Variants in DNAJC16 observed in about 807,000 individuals in gnomAD.
DNAJC16 encodes the protein DnaJ heat shock protein family (Hsp40) member C16.
A neutral mutation model predicts 92.7 loss-of-function variants in DNAJC16; 76 were observed. The ratio of observed to expected loss-of-function variants is 0.82; its 90% CI spans 0.68 to 0.99. The LOEUF is 0.99. Ranked by LOEUF, DNAJC16 falls within the 50% of genes least tolerant of loss-of-function variation. The pLI is 0.00. For synonymous variants in DNAJC16, 328 were observed against 358.7 expected (o/e 0.91, Z 0.97); for missense variants, 869 against 942.4 (o/e 0.92, Z 1.02).
At chr1:15,552,093 A>G (rs1180848887) in intron 7 of DNAJC16, among the ~76,000 whole-genome samples, 1 of 151,742 alleles carries the variant, frequency 6.6e-6, no homozygotes, top group Non-Finnish European at 1.5e-5. Flanking sequence ...GATGGTCTTG[A>G]ACTCCTGGCC....
At chr1:15,534,197 A>G in intron 2 of DNAJC16, 40 bp from the exon 3 acceptor site, 1 of 1,610,148 alleles carries the variant, frequency 6.2e-7, no homozygotes, top group Non-Finnish European at 8.5e-7. Flanking sequence ...GTGCATTAAA[A>G]GTTACATCCT....
At chr1:15,562,998 C>T (rs1350157771) in intron 9 of DNAJC16, among the ~76,000 whole-genome samples, 1 of 150,274 alleles carries the variant, frequency 6.7e-6, no homozygotes, top group East Asian at 1.9e-4. Flanking sequence ...GAAATTTCTG[C>T]CCCCCTCTGC....
intron 13 of DNAJC16, chr1:15,566,532 A>G (rs536181032): frequency 5.9e-5 from 15 of 252,116 alleles, no homozygotes; most frequent in Admixed American, 4.0e-4. Context: ...GACAAAGAAC[A>G]TAGACTGAAT....
chr1:15,571,733 A>T lies in DNAJC16; in HGVS notation c.*3556A>T, dbSNP rs1638952233. 6.6e-6 allele frequency: 1 copy of T among 152,276 alleles called. No homozygotes were observed. The highest frequency in any genetic ancestry group is 2.4e-5 in the African/African-American group (1 of 41,452). The allele number at this position is 152,276 out of a possible 1,614,324, so 9.4% of individuals were successfully genotyped here. A position where few individuals can be genotyped will look rare whatever the true frequency, so the allele number is the denominator to read the frequency against. ...AAATAAACTATTTTAATGTCTGATA[A>T]TTATGGGGTAGCCCTTGCATTGCAA... On this transcript the variant is annotated 3_prime_UTR_variant, in exon 15 of 15. Transcript: ENST00000375847.
intron 2 of DNAJC16, among the ~76,000 whole-genome samples, chr1:15,533,605 G>T (rs1710710613): frequency 6.6e-6 from 1 of 152,050 alleles, no homozygotes; most frequent in African/African-American, 2.4e-5. Context: ...TCCAGTCTGG[G>T]CAACAGAGTG....
rs765366404 is a variant in DNAJC16, at chr1:15,536,571, C to T, written c.331C>T (p.Arg111Cys). 1.6e-5 allele frequency: 26 copies of T among 1,614,056 alleles called. No homozygotes were observed. The highest frequency in any genetic ancestry group is 2.0e-5 in the Non-Finnish European group (24 of 1,180,040). ...YQKQQQQREYRFRHFHENFYF... is the reference protein window; with the variant it reads ...YQKQQQQREYCFRHFHENFYF... ...GAAGCAGCAACAGCAGCGAGAGTAT[C>T]GCTTCCGCCATTTCCATGAAAATTT... Residue 111 changes from arginine to cysteine, a missense_variant, in exon 4 of 15, where the codon CGC becomes TGC. Physicochemically the swap from Arg to Cys is radical, Grantham distance 180. Coordinates refer to ENST00000375847, the MANE Select transcript of DNAJC16 (RefSeq NM_015291.4).
intron 7 of DNAJC16, among the ~76,000 whole-genome samples, chr1:15,550,908 C>T (rs1425034278): frequency 1.3e-5 from 2 of 152,176 alleles, no homozygotes; most frequent in African/African-American, 2.4e-5. Flanking sequence ...CTCACTCTGT[C>T]GCCCAGGCTG....
At chr1:15,550,005 C>T (rs1638408154) in intron 7 of DNAJC16, among the ~76,000 whole-genome samples, 1 of 152,056 alleles carries the variant, frequency 6.6e-6, no homozygotes, top group African/African-American at 2.4e-5. Flanking sequence ...GAGTTCAGTA[C>T]TATGTGGTTT....
chr1:15,528,703 A>G (rs1014977088), intron 1 of DNAJC16, among the ~76,000 whole-genome samples: 3 of 152,296 alleles, frequency 2.0e-5, no homozygotes, highest in Middle Eastern at 3.4e-3. Flanking sequence ...TAAACCATTT[A>G]TTTTATTTAT....
At chr1:15,557,662 T>C (rs921359539) in intron 7 of DNAJC16, among the ~76,000 whole-genome samples, 4 of 152,034 alleles carry the variant, frequency 2.6e-5, no homozygotes, top group Non-Finnish European at 5.9e-5. Context: ...TCAGAGTTCT[T>C]ATAAATAGTA....
chr1:15,559,330 T>C (rs182007546), intron 7 of DNAJC16, among the ~76,000 whole-genome samples, 196 bp from the exon 8 acceptor site: 1 of 152,346 alleles, frequency 6.6e-6, no homozygotes, highest in African/African-American at 2.4e-5. Context: ...CCGAAATAGC[T>C]GCATCATTGC....
rs1553149120 is a variant in DNAJC16, at chr1:15,563,929, G to GTGTCTATTAC, written c.1347_1348insACTGTCTATT (p.Leu450ThrfsTer16). ...TGTTTTTTCTCTACTTTTCTTCCAGGTGTCTATTTTAGAAAGGCGCAACAC... is the reference window on the plus strand; with the variant it reads ...TGTTTTTTCTCTACTTTTCTTCCAGGTGTCTATTACTGTCTATTTTAGAAAGGCGCAACAC... On this transcript the variant is annotated frameshift_variant and splice_region_variant, in exon 10 of 15. Coordinates refer to ENST00000375847, the MANE Select transcript of DNAJC16 (RefSeq NM_015291.4). LOFTEE classifies it high-confidence loss of function. 1 of 1,603,290 alleles carries GTGTCTATTAC rather than the reference G, an allele frequency of 6.2e-7. No individual in the cohort carries two copies. Among genetic ancestry groups the GTGTCTATTAC allele is most frequent in the Non-Finnish European group, 8.5e-7 (1 of 1,176,026 alleles).
intron 4 of DNAJC16, among the ~76,000 whole-genome samples, chr1:15,539,160 G>A (rs991209494): frequency 6.6e-6 from 1 of 152,048 alleles, no homozygotes; most frequent in Non-Finnish European, 1.5e-5. Flanking sequence ...AATTCCCGAG[G>A]GTGTGCAGAT....
intron 7 of DNAJC16, among the ~76,000 whole-genome samples, chr1:15,551,769 G>C (rs1353630555): frequency 1.3e-5 from 2 of 151,828 alleles, no homozygotes; most frequent in Non-Finnish European, 2.9e-5. Context: ...ATGCACCACT[G>C]GCTAATTTTT....
intron 5 of DNAJC16, among the ~76,000 whole-genome samples, chr1:15,544,916 AG>A (rs1240430206): frequency 6.6e-6 from 1 of 152,214 alleles, no homozygotes; most frequent in Non-Finnish European, 1.5e-5. Flanking sequence ...AGAAAGAATT[AG>A]GGATTTCTTT....
chr1:15,543,552 CTTT>C (rs1710984914), intron 4 of DNAJC16, among the ~76,000 whole-genome samples: 1 of 152,092 alleles, frequency 6.6e-6, no homozygotes, highest in African/African-American at 2.4e-5. Context: ...TGAAATGGGT[CTTT>C]GCAGGGTTTG....
chr1:15,539,899 G>A (rs1019228684), intron 4 of DNAJC16, among the ~76,000 whole-genome samples: 13 of 152,010 alleles, frequency 8.6e-5, no homozygotes, highest in East Asian at 5.8e-4. Flanking sequence ...GTGGTGGTGC[G>A]TGCCTGTAAT....
At chr1:15,536,377 G>A (rs901243479) in intron 3 of DNAJC16, 98 bp from the exon 4 acceptor site, 12 of 1,021,348 alleles carry the variant, frequency 1.2e-5, no homozygotes, top group Middle Eastern at 3.0e-4. Flanking sequence ...ACCACGACTG[G>A]CTGCATTTAT....
At chr1:15,551,145 C>T (rs184077408) in intron 7 of DNAJC16, among the ~76,000 whole-genome samples, 1 of 152,344 alleles carries the variant, frequency 6.6e-6, no homozygotes, top group East Asian at 1.9e-4. Flanking sequence ...GGTGGGATTA[C>T]AGGCGTGAGC....
Sources: gnomAD v4.1 joint callset for allele counts (sites outside exome capture counted in the v4.1 genomes callset) on GRCh38, gnomAD v4.1.1 for gene constraint, MANE v1.5 for transcripts, NCBI Gene and HGNC (gene_info 2026-07-23, HGNC 2026-07-21) for gene names.